MIGA2: variants seen among roughly 807,000 people sequenced by gnomAD.
MIGA2 encodes family with sequence similarity 73, member B.
In MIGA2, 36 loss-of-function variants were observed where a neutral mutation model predicts 69.9. That is an observed-to-expected ratio of 0.52 (90% CI 0.39 to 0.68). The LOEUF (loss-of-function observed/expected upper bound fraction) is 0.68. Among genes scored for constraint, MIGA2 ranks in the 30% least tolerant of loss-of-function variants. The probability of loss-of-function intolerance (pLI) is 0.00; values close to 1 mark genes in which losing one functional copy is unlikely to be tolerated. For missense variants in MIGA2, 660 were observed against 787.7 expected, an observed-to-expected ratio of 0.84 and a Z score of 1.94; for synonymous variants, 333 against 349.2, an observed-to-expected ratio of 0.95 and a Z score of 0.52.
At position 129,070,229 on chromosome 9, in the gene MIGA2, C is replaced by A; in HGVS notation, c.1576-18C>A. 1 of 1,606,914 alleles carries A rather than the reference C, an allele frequency of 6.2e-7. No homozygotes were observed. On this transcript the variant is annotated intron_variant, in intron 15 of 15. Coordinates refer to ENST00000684074, the MANE Select transcript of MIGA2 (RefSeq NM_001329990.2). ...GGCAGTGGCTGGGCCAGGCCTGACA[C>A]CAGCCCTGCTCCCCCAGCACCAGAT...
In MIGA2 at chr9:129,061,289, C is replaced by T. The variant is rs751321289; in HGVS notation, c.953C>T (p.Ala318Val). The T allele has an allele frequency of 1.9e-6, 3 of 1,613,102 alleles. No individual in the cohort carries two copies. The African/African-American group carries it at 4.0e-5, about 22-fold the overall frequency. Residue 318 changes from alanine (A) to valine (V), a missense_variant, in exon 9 of 16, where the codon GCC becomes GTC. This residue lies in a region of MIGA2 where 386 missense variants were observed against 402.0 expected (regional missense o/e 0.96). Transcript: ENST00000684074. This position sits in a 1 kb window ranked among gnomAD's most constrained non-coding sequence, Gnocchi z 5.0. The stretch of plus-strand genomic sequence containing the variant: ...ATCCCACTCTCCAGACCCGCCGCTG[C>T]CTATGAGGAGGCCCTGCAGCTGGTG... ...YPIPLSRPAA[A>V]YEEALQLVKE...
intron 1 of MIGA2, among the ~76,000 whole-genome samples, chr9:129,039,406 C>G (rs562114102): frequency 6.6e-6 from 1 of 151,830 alleles, no homozygotes; most frequent in African/African-American, 2.4e-5. Context: ...CTACAACGCC[C>G]GGCTAATTTT....
chr9:129,065,836 C>T (rs768756351), intron 11 of MIGA2, among the ~76,000 whole-genome samples: 27 of 151,908 alleles, frequency 1.8e-4, no homozygotes, highest in Non-Finnish European at 3.5e-4. Context: ...CTGACTCATC[C>T]CCTGAGGCCC....
intron 3 of MIGA2, among the ~76,000 whole-genome samples, chr9:129,046,039 G>A (rs532984406): frequency 1.3e-5 from 2 of 151,966 alleles, no homozygotes; most frequent in East Asian, 3.9e-4. Context: ...GTTTTTAGTA[G>A]AGACAGGGTT....
chr9:129,070,346 C>T lies in MIGA2; in HGVS notation c.1675C>T (p.Arg559Cys), dbSNP rs1325563584. ...LADDILQLSR[R>C]RSEILLGYLG... ...AGACGACATCCTGCAGCTGTCCCGG[C>T]GCCGCAGCGAGATATTGCTGGGGTA... Residue 559 changes from arginine (R) to cysteine (C), a missense_variant, in exon 16 of 16, where the codon CGC becomes TGC. Physicochemically the swap from Arg to Cys is radical, Grantham distance 180. Around this residue, in one of 3 missense-constraint regions of MIGA2, gnomAD observed 220 missense variants for 301.7 expected, o/e 0.73. Transcript: ENST00000684074. 3.7e-6 allele frequency: 6 copies of T among 1,612,920 alleles called. No homozygotes were observed. Among genetic ancestry groups the T allele is most frequent in the Non-Finnish European group, 5.1e-6 (6 of 1,179,986 alleles).
chr9:129,064,505 C>G (rs1422975301), intron 11 of MIGA2, among the ~76,000 whole-genome samples: 1 of 150,272 alleles, frequency 6.7e-6, no homozygotes, highest in African/African-American at 2.4e-5. Flanking sequence ...CCGTGCCTGG[C>G]CTTTTTTTTT....
chr9:129,044,185 G>T (rs1264814939), intron 3 of MIGA2, among the ~76,000 whole-genome samples: 5 of 151,196 alleles, frequency 3.3e-5, no homozygotes, highest in African/African-American at 1.2e-4. Flanking sequence ...GTAGAGTTGG[G>T]GTTTCACCAT....
chr9:129,061,345 A>G lies in MIGA2; in HGVS notation c.1009A>G (p.Arg337Gly). 1 of 1,079,702 alleles carries G rather than the reference A, an allele frequency of 9.3e-7. No homozygotes were observed. The highest frequency in any genetic ancestry group is 1.6e-5 in the African/African-American group (1 of 62,014). The allele number at this position is 1,079,702 out of a possible 1,614,324, so 66.9% of individuals were successfully genotyped here. A position where few individuals can be genotyped will look rare whatever the true frequency, so the allele number is the denominator to read the frequency against. The change falls in exon 9 of 16, where the codon AGG (arginine) becomes GGG (glycine). Residue 337 changes from arginine (R) to glycine (G), a missense_variant and splice_region_variant. Transcript: ENST00000684074. This position sits in a 1 kb window ranked among gnomAD's most constrained non-coding sequence, Gnocchi z 5.0. The stretch of plus-strand genomic sequence containing the variant: ...GGGGAGAGTGCCTTGCCGGACCCTC[A>G]GGTGAGCAGGTGTGGAGGGAGGGAG... ...KEGRVPCRTL[R>G]TELLGCYSDQ...
chr9:129,061,361 A>G lies in MIGA2; in HGVS notation c.1010+15A>G. ...CGGACCCTCAGGTGAGCAGGTGTGGAGGGAGGGAGGGAGGGAGCAGGAGGC... is the reference window on the plus strand; with the variant it reads ...CGGACCCTCAGGTGAGCAGGTGTGGGGGGAGGGAGGGAGGGAGCAGGAGGC... On this transcript the variant is annotated intron_variant, in intron 9 of 15. Transcript: ENST00000684074. The surrounding 1 kb of genome is among the most constrained non-coding windows in gnomAD (Gnocchi z 5.0). 1 of 514,874 alleles carries G rather than the reference A, an allele frequency of 1.9e-6. No individual in the cohort carries two copies. The allele number at this position is 514,874 out of a possible 1,614,324, so 31.9% of individuals were successfully genotyped here.
intron 6 of MIGA2, among the ~76,000 whole-genome samples, chr9:129,054,314 C>T (rs1845690416): frequency 6.6e-6 from 1 of 151,716 alleles, no homozygotes; most frequent in African/African-American, 2.4e-5. Context: ...GTTAGTTGGG[C>T]ATGGTGGCGC....
At chr9:129,057,093 A>T (rs1222938435) in intron 6 of MIGA2, among the ~76,000 whole-genome samples, 1 of 152,062 alleles carries the variant, frequency 6.6e-6, no homozygotes, top group East Asian at 1.9e-4. Flanking sequence ...TGCAAAAAAC[A>T]GTAGAGTTAG....
chr9:129,049,392 G>A lies in MIGA2; in HGVS notation c.432G>A (p.Val144=). The A allele has an allele frequency of 6.2e-7, 1 of 1,613,386 alleles. No individual in the cohort carries two copies. The highest frequency in any genetic ancestry group is 8.5e-7 in the Non-Finnish European group (1 of 1,179,678). The change falls in exon 5 of 16, where the codon GTG becomes GTA. Residue 144 remains valine, a synonymous_variant. Coordinates refer to ENST00000684074, the MANE Select transcript of MIGA2 (RefSeq NM_001329990.2). ...SSHSVASMMA[V]NSSSPTAACS... is the part of the protein sequence containing the mutation. The stretch of plus-strand genomic sequence containing the variant: ...TGATTGGCGCCCAGATGATGGCAGT[G>A]AACTCATCCAGCCCCACAGCCGCGT...
At position 129,069,986 on chromosome 9, in the gene MIGA2, G is replaced by A. The variant is rs201405318; in HGVS notation, c.1575+21G>A. ...TCAAGGTAAACAGAGAGCAGTTCTC[G>A]TTCTTTCCTGACCCTTGCCCTGAGC... On this transcript the variant is annotated intron_variant, in intron 15 of 15. Coordinates refer to ENST00000684074, the MANE Select transcript of MIGA2 (RefSeq NM_001329990.2). This position sits in a 1 kb window ranked among gnomAD's most constrained non-coding sequence, Gnocchi z 4.9. 6.4e-5 allele frequency: 99 copies of A among 1,557,590 alleles called. No homozygotes were observed. The highest frequency in any genetic ancestry group is 1.9e-4 in the Middle Eastern group (1 of 5,388).
At chr9:129,063,454 C>A in intron 10 of MIGA2, 91 bp from the exon 11 acceptor site, 1 of 1,560,610 alleles carries the variant, frequency 6.4e-7, no homozygotes, top group Non-Finnish European at 8.8e-7. Flanking sequence ...GCAGGTGGGC[C>A]ACCTACCTGG....
intron 2 of MIGA2, 91 bp downstream of exon 2, chr9:129,040,781 GT>G: frequency 8.2e-7 from 1 of 1,221,426 alleles, no homozygotes; most frequent in Non-Finnish European, 1.1e-6. Flanking sequence ...CTGAGCCCTC[GT>G]TCTTGCTTTG....
rs1368649598 is a variant in MIGA2 at position 129,071,614 on chromosome 9, CAGGGCCCCTCTCCCCTGA to C, written c.*1163_*1180del. ...AGGTCAGAGGACTGGCTCCTGTGAC[CAGGGCCCCTCTCCCCTGA>C]ATGGGAAAGGGGTCTGGGGATGGGA... On this transcript the variant is annotated 3_prime_UTR_variant, in exon 16 of 16. Transcript: ENST00000684074. 1 of 152,078 alleles carries C rather than the reference CAGGGCCCCTCTCCCCTGA, an allele frequency of 6.6e-6. No individual in the cohort carries two copies. Among genetic ancestry groups the C allele is most frequent in the Non-Finnish European group, 1.5e-5 (1 of 67,984 alleles). 9.4% of individuals were successfully genotyped at this position (152,078 alleles called of 1,614,324 possible).
chr9:129,046,167 G>A (rs949252912), intron 3 of MIGA2, among the ~76,000 whole-genome samples: 4 of 151,954 alleles, frequency 2.6e-5, no homozygotes, highest in African/African-American at 9.7e-5. Context: ...ATTGGAACAA[G>A]AAGTCTTGAG....
intron 1 of MIGA2, among the ~76,000 whole-genome samples, chr9:129,039,175 TTGTG>T (rs61426484): frequency 0.076 from 10,605 of 139,866 alleles, 646 homozygotes; most frequent in African/African-American, 0.18. Context: ...AGCTCTTTGT[TTGTG>T]TGTGTGTGTG....
chr9:129,060,596 G>T lies in MIGA2; in HGVS notation c.840G>T (p.Arg280=). The T allele has an allele frequency of 6.2e-7, 1 of 1,606,370 alleles. No individual in the cohort carries two copies. Among genetic ancestry groups the T allele is most frequent in the East Asian group, 2.2e-5 (1 of 44,646 alleles). Residue 280 remains arginine, a synonymous_variant, in exon 8 of 16, where the codon CGG becomes CGT. Transcript: ENST00000684074. The surrounding 1 kb of genome is among the most constrained non-coding windows in gnomAD (Gnocchi z 4.8). ...LPLTEGSLRL[R]ADDEDSLTSE... is the part of the protein sequence containing the mutation. Reference sequence around the variant, plus strand: ...TGACCGAGGGCTCGCTGCGGCTGCGGGCGGACGATGAGGACAGCCTGACTT... The same window carrying T: ...TGACCGAGGGCTCGCTGCGGCTGCGTGCGGACGATGAGGACAGCCTGACTT...
Sources: allele counts gnomAD v4.1 joint callset (sites outside exome capture counted in the v4.1 genomes callset), GRCh38; gene constraint gnomAD v4.1.1; regional missense constraint gnomAD v4.1.1; non-coding constraint Gnocchi (gnomAD v3.1); transcripts MANE v1.5; gene names NCBI Gene and HGNC (gene_info 2026-07-23, HGNC 2026-07-21).